Variants in ARHGEF26 observed in about 807,000 individuals in gnomAD.
ARHGEF26 encodes the protein Rho guanine nucleotide exchange factor (GEF) 26.
A neutral mutation model predicts 89.4 loss-of-function variants in ARHGEF26; 59 were observed. The ratio of observed to expected loss-of-function variants is 0.66; its 90% CI spans 0.54 to 0.82. The LOEUF is 0.82. Ranked by LOEUF, ARHGEF26 falls within the 40% of genes least tolerant of loss-of-function variation. The pLI, the probability that ARHGEF26 is intolerant of heterozygous loss-of-function variation, is 0.00. For synonymous variants in ARHGEF26, 500 were observed against 428.4 expected (o/e 1.17, Z -2.06); for missense variants, 1,234 against 1,085.6 (o/e 1.14, Z -1.92).
Position 154,256,571 on chromosome 3 carries a change from AAAAAC to A in ARHGEF26, c.*1099_*1103del, listed in dbSNP as rs1424066729. 1,107 of 998,410 alleles carry A rather than the reference AAAAAC, an allele frequency of 1.1e-3. 26 individuals are homozygous for A. In the African/African-American group the frequency reaches 0.016, roughly 14 times the overall value. 61.8% of individuals were successfully genotyped at this position (998,410 alleles called of 1,614,324 possible). The stretch of plus-strand genomic sequence containing the variant: ...ATTAAAAAAAAAAAAAAAAAAAAAA[AAAAAC>A]CTTCCCAAATGAGCTGATAAAAAAC... On this transcript the variant is annotated 3_prime_UTR_variant, in exon 15 of 15. Coordinates refer to ENST00000465093, the MANE Select transcript of ARHGEF26 (RefSeq NM_015595.4).
chr3:154,151,396 G>A (rs530482732), intron 5 of ARHGEF26, among the ~76,000 whole-genome samples: 18 of 152,246 alleles, frequency 1.2e-4, no homozygotes, highest in Admixed American at 3.3e-4. Context: ...GTACAGCATT[G>A]AAGAAGTGAA....
At chr3:154,204,776 C>T (rs569781274) in intron 9 of ARHGEF26, among the ~76,000 whole-genome samples, 2 of 151,932 alleles carry the variant, frequency 1.3e-5, no homozygotes, top group South Asian at 4.1e-4. Context: ...TTTCTTTAAC[C>T]TACTGGTCAT....
intron 6 of ARHGEF26, among the ~76,000 whole-genome samples, chr3:154,185,101 G>C (rs149013111): frequency 2.4e-4 from 36 of 152,224 alleles, no homozygotes; most frequent in African/African-American, 8.7e-4. Context: ...TCTGCCCTCT[G>C]GAGTTTTCTT....
At chr3:154,193,284 A>G (rs1355894308) in intron 8 of ARHGEF26, among the ~76,000 whole-genome samples, 1 of 152,216 alleles carries the variant, frequency 6.6e-6, no homozygotes, top group Non-Finnish European at 1.5e-5. Flanking sequence ...ATATTGTTTC[A>G]TAAAATCCTG....
intron 3 of ARHGEF26, among the ~76,000 whole-genome samples, chr3:154,127,057 G>A (rs992841858): frequency 2.0e-5 from 3 of 152,142 alleles, no homozygotes; most frequent in Non-Finnish European, 2.9e-5. Context: ...GACTCTTACC[G>A]TGAATGGAGC....
intron 4 of ARHGEF26, among the ~76,000 whole-genome samples, chr3:154,132,337 A>T (rs1427132390): frequency 5.9e-5 from 9 of 151,956 alleles, no homozygotes; most frequent in Admixed American, 5.9e-4. Flanking sequence ...ATTACAGCGA[A>T]CCCCTCCTTC....
chr3:154,147,681 A>C (rs940689890), intron 4 of ARHGEF26, among the ~76,000 whole-genome samples: 2 of 152,172 alleles, frequency 1.3e-5, no homozygotes, highest in Non-Finnish European at 2.9e-5. Flanking sequence ...ACATCAAGTG[A>C]TTTTTACTTA....
At chr3:154,136,874 CTTTTT>C (rs985597838) in intron 4 of ARHGEF26, among the ~76,000 whole-genome samples, 6 of 152,104 alleles carry the variant, frequency 3.9e-5, no homozygotes, top group African/African-American at 1.4e-4. Context: ...TTTACCATAT[CTTTTT>C]TTGTGTGTGT....
At chr3:154,175,079 T>C (rs1712715895) in intron 6 of ARHGEF26, among the ~76,000 whole-genome samples, 1 of 152,220 alleles carries the variant, frequency 6.6e-6, no homozygotes, top group Non-Finnish European at 1.5e-5. Flanking sequence ...TTTAAAAAAT[T>C]GAATTTACCA....
intron 4 of ARHGEF26, among the ~76,000 whole-genome samples, chr3:154,138,621 A>G (rs1247946753): frequency 6.6e-6 from 1 of 152,220 alleles, no homozygotes; most frequent in African/African-American, 2.4e-5. Flanking sequence ...CAGGTGCTCC[A>G]AGAAAGCAGG....
At chr3:154,145,928 C>T (rs1719678713) in intron 4 of ARHGEF26, among the ~76,000 whole-genome samples, 1 of 152,138 alleles carries the variant, frequency 6.6e-6, no homozygotes, top group South Asian at 2.1e-4. Context: ...TTACACAGTT[C>T]TCTGCAAGGT....
In ARHGEF26 at chr3:154,122,710, C is replaced by T. The variant is rs920334340; in HGVS notation, c.718C>T (p.Pro240Ser). The stretch of plus-strand genomic sequence containing the variant: ...TTCCGTGGTTTTGAGTACAAACAGC[C>T]CCGCCGCCCTCAAAGTGGGGAAGCA... ...NPSVVLSTNS[P>S]AALKVGKQQI... Residue 240 changes from proline (P) to serine (S), a missense_variant, in exon 2 of 15, where the codon CCC becomes TCC. Pro to Ser is a moderately conservative substitution (Grantham distance 74). Transcript: ENST00000465093. The T allele has an allele frequency of 1.2e-6, 2 of 1,613,618 alleles. No homozygotes were observed. The highest frequency in any genetic ancestry group is 1.7e-5 in the Admixed American group (1 of 59,972).
intron 9 of ARHGEF26, among the ~76,000 whole-genome samples, chr3:154,216,506 TTTA>T (rs1415071375): frequency 0.093 from 4,084 of 43,822 alleles, 92 homozygotes; most frequent in South Asian, 0.2. Flanking sequence ...TTTTTTATTT[TTTA>T]TTTTTTTTTT....
At chr3:154,216,536 TTTA>T (rs1424958785) in intron 9 of ARHGEF26, among the ~76,000 whole-genome samples, 9 of 148,442 alleles carry the variant, frequency 6.1e-5, no homozygotes, top group African/African-American at 2.2e-4. Flanking sequence ...ATACAAAATA[TTTA>T]TTTTTTTATT....
chr3:154,239,072 T>C (rs1717294680), intron 11 of ARHGEF26, among the ~76,000 whole-genome samples: 1 of 152,030 alleles, frequency 6.6e-6, no homozygotes, highest in Admixed American at 6.6e-5. Flanking sequence ...AGAGAGTTTG[T>C]AGTTGATGGT....
In ARHGEF26 at chr3:154,256,800, C is replaced by T; in HGVS notation, c.*1327C>T. 1 of 1,498,420 alleles carries T rather than the reference C, an allele frequency of 6.7e-7. No homozygotes were observed. Among genetic ancestry groups the T allele is most frequent in the Non-Finnish European group, 8.8e-7 (1 of 1,132,218 alleles). 92.8% of individuals were successfully genotyped at this position (1,498,420 alleles called of 1,614,324 possible). A position where few individuals can be genotyped will look rare whatever the true frequency, so the allele number is the denominator to read the frequency against. On this transcript the variant is annotated 3_prime_UTR_variant, in exon 15 of 15. Transcript: ENST00000465093. ...GAATTCATTCTATTTGCACTAAAAGCCTTAACTTGCTGTATTCAGAGTCCC... is the reference window on the plus strand; with the variant it reads ...GAATTCATTCTATTTGCACTAAAAGTCTTAACTTGCTGTATTCAGAGTCCC...
rs202028402 is a variant in ARHGEF26, at chr3:154,122,246, G to T, written c.254G>T (p.Gly85Val). The change falls in exon 2 of 15, where the codon GGC becomes GTC. Residue 85 changes from glycine to valine, a missense_variant. Transcript: ENST00000465093. ...RTVHRSPLLL[G>V]AQRRAVANGG... ...GTACATAGGAGCCCCCTGCTTCTGG[G>T]CGCCCAGCGGAGAGCGGTGGCCAAT... 1.7e-5 allele frequency: 27 copies of T among 1,611,196 alleles called. No individual in the cohort carries two copies. The highest frequency in any genetic ancestry group is 2.0e-5 in the Non-Finnish European group (23 of 1,179,182).
chr3:154,154,893 C>T (rs1045423060), intron 6 of ARHGEF26, among the ~76,000 whole-genome samples: 4 of 152,020 alleles, frequency 2.6e-5, no homozygotes, highest in East Asian at 3.9e-4. Context: ...TGTGCTTACA[C>T]CCTGCTATAT....
intron 12 of ARHGEF26, among the ~76,000 whole-genome samples, chr3:154,251,799 A>G (rs1426250505): frequency 6.6e-6 from 1 of 152,216 alleles, no homozygotes; most frequent in Non-Finnish European, 1.5e-5. Context: ...TAGAAATTCC[A>G]TGGTAATGGA....
Sources: allele counts gnomAD v4.1 joint callset (sites outside exome capture counted in the v4.1 genomes callset), GRCh38; gene constraint gnomAD v4.1.1; transcripts MANE v1.5; gene names NCBI Gene and HGNC (gene_info 2026-07-23, HGNC 2026-07-21).